Variants in CA10 observed in about 807,000 individuals in gnomAD.
CA10 encodes the protein carbonic anhydrase 10 (inactive).
In CA10, 14 loss-of-function variants were observed where a neutral mutation model predicts 44.2. The ratio of observed to expected loss-of-function variants is 0.32; its 90% CI spans 0.21 to 0.50. CA10 has a LOEUF of 0.50. Among genes scored for constraint, CA10 ranks in the 20% least tolerant of loss-of-function variants. The pLI is 0.99. For missense variants in CA10, 350 were observed against 409.7 expected, an observed-to-expected ratio of 0.85 and a Z score of 1.26; for synonymous variants, 159 against 141.6, an observed-to-expected ratio of 1.12 and a Z score of -0.87.
At chr17:51,718,192 C>A (rs938518058) in intron 4 of CA10, among the ~76,000 whole-genome samples, 11 of 150,216 alleles carry the variant, frequency 7.3e-5, no homozygotes, top group Non-Finnish European at 1.0e-4. Flanking sequence ...AACCAAATAC[C>A]ACCTGTACCC....
intron 1 of CA10, among the ~76,000 whole-genome samples, chr17:52,101,819 TAAAC>T (rs1282890308): frequency 1.3e-5 from 2 of 152,148 alleles, no homozygotes; most frequent in Non-Finnish European, 2.9e-5. Flanking sequence ...AAAATCAACT[TAAAC>T]ATATATAGCA....
intron 1 of CA10, among the ~76,000 whole-genome samples, chr17:52,081,228 T>C (rs1031419804): frequency 1.6e-4 from 24 of 152,220 alleles, no homozygotes; most frequent in Admixed American, 3.3e-4. Flanking sequence ...ACAGTGATGG[T>C]CTCTGAAATT....
Position 51,630,689 on chromosome 17 carries a change from CAAGTGAAATCAAAG to C in CA10, c.*881_*894del, listed in dbSNP as rs1597949140. 6.6e-6 allele frequency: 1 copy of C among 152,546 alleles called. No homozygotes were observed. The highest frequency in any genetic ancestry group is 1.9e-4 in the East Asian group (1 of 5,194). 9.4% of individuals were successfully genotyped at this position (152,546 alleles called of 1,614,324 possible). ...TGAACAAAACATGTAGATGAAGGAACAAGTGAAATCAAAGAATGCAGTTGCATGGAGCCAGGGCT... is the reference window on the plus strand; with the variant it reads ...TGAACAAAACATGTAGATGAAGGAACAATGCAGTTGCATGGAGCCAGGGCT... On this transcript the variant is annotated 3_prime_UTR_variant, in exon 9 of 9. Transcript: ENST00000451037.
At chr17:51,808,762 CAT>C (rs1353853396) in intron 3 of CA10, among the ~76,000 whole-genome samples, 3 of 152,152 alleles carry the variant, frequency 2.0e-5, no homozygotes, top group African/African-American at 2.4e-5. Flanking sequence ...CAAAATTACA[CAT>C]GTCTAAAAGT....
intron 3 of CA10, among the ~76,000 whole-genome samples, chr17:51,859,787 T>C (rs1451221884): frequency 6.6e-6 from 1 of 152,202 alleles, no homozygotes; most frequent in East Asian, 1.9e-4. Flanking sequence ...AAGAGCCACA[T>C]AGATGTTATT....
In CA10 at chr17:51,810,923, T is replaced by C. The variant is rs149056674; in HGVS notation, c.280-63105A>G. On this transcript the variant is annotated intron_variant, in intron 3 of 8. Coordinates refer to ENST00000451037, the MANE Select transcript of CA10 (RefSeq NM_020178.5). Reference sequence around the variant, plus strand: ...AACAAGATCACCCTATAATAATTTCTGAACACAGGTTGGGCACAGTGGCTT... The same window carrying C: ...AACAAGATCACCCTATAATAATTTCCGAACACAGGTTGGGCACAGTGGCTT... Among the ~76,000 whole-genome samples, 496 of 152,316 alleles carry C rather than the reference T, an allele frequency of 3.3e-3. 7 individuals are homozygous for C. Among genetic ancestry groups the C allele is most frequent in the Non-Finnish European group, 2.3e-3 (156 of 68,022 alleles).
At chr17:51,852,331 T>G (rs1978835167) in intron 3 of CA10, among the ~76,000 whole-genome samples, 1 of 152,044 alleles carries the variant, frequency 6.6e-6, no homozygotes. Context: ...TAATGATAAG[T>G]GGAGGTGATC....
At chr17:51,799,691 A>C (rs971795502) in intron 3 of CA10, among the ~76,000 whole-genome samples, 2 of 152,244 alleles carry the variant, frequency 1.3e-5, no homozygotes, top group African/African-American at 4.8e-5. Flanking sequence ...AGGCTCAATA[A>C]AAGTTTGTTG....
chr17:52,061,908 A>C (rs1208099495), intron 2 of CA10, among the ~76,000 whole-genome samples: 1 of 152,126 alleles, frequency 6.6e-6, no homozygotes, highest in Non-Finnish European at 1.5e-5. Flanking sequence ...CTATCACTTA[A>C]TTGGGATGTA....
intron 3 of CA10, among the ~76,000 whole-genome samples, chr17:51,811,963 G>A (rs975176072): frequency 3.3e-5 from 5 of 152,140 alleles, no homozygotes; most frequent in African/African-American, 9.6e-5. Context: ...TCTGAATCCT[G>A]TAAGTCCCTC....
At chr17:51,650,258 A>T (rs1158578452) in intron 5 of CA10, among the ~76,000 whole-genome samples, 1 of 152,134 alleles carries the variant, frequency 6.6e-6, no homozygotes, top group African/African-American at 2.4e-5. Context: ...ACCATTGTTC[A>T]TCCTAGTCAT....
intron 2 of CA10, among the ~76,000 whole-genome samples, chr17:52,028,398 A>G (rs1338287674): frequency 3.9e-5 from 6 of 152,176 alleles, no homozygotes; most frequent in Admixed American, 2.0e-4. Context: ...TCACAAAACT[A>G]TTCTAGTTTT....
At chr17:51,966,132 A>C (rs565281470) in intron 2 of CA10, among the ~76,000 whole-genome samples, 1 of 151,990 alleles carries the variant, frequency 6.6e-6, no homozygotes, top group African/African-American at 2.4e-5. Context: ...CATACAAAAA[A>C]CACCTAAAAA....
rs144240777 is a variant in CA10 at position 51,647,041 on chromosome 17, T to TGTAGA, written c.634+2136_634+2140dup. Among the ~76,000 whole-genome samples, 1,013 of 152,062 alleles carry TGTAGA rather than the reference T, an allele frequency of 6.7e-3. 7 individuals are homozygous for TGTAGA. The highest frequency in any genetic ancestry group is 0.023 in the African/African-American group (966 of 41,472). On this transcript the variant is annotated intron_variant, in intron 6 of 8. Coordinates refer to ENST00000451037, the MANE Select transcript of CA10 (RefSeq NM_020178.5). ...TTTCTTTTCCCTGGGCCCTGAGAGG[T>TGTAGA]GTAGAGTATGGGGGTCAGAAGGAGA...
At chr17:52,002,444 G>T (rs1985457243) in intron 2 of CA10, among the ~76,000 whole-genome samples, 1 of 151,830 alleles carries the variant, frequency 6.6e-6, no homozygotes, top group Admixed American at 6.6e-5. Flanking sequence ...GAAGTGACCA[G>T]CCTGGGGTCA....
chr17:51,912,364 T>A (rs554602544), intron 3 of CA10, among the ~76,000 whole-genome samples: 1 of 152,278 alleles, frequency 6.6e-6, no homozygotes, highest in East Asian at 1.9e-4. Context: ...CTCAAGGAGG[T>A]AAAGTAACTT....
intron 4 of CA10, among the ~76,000 whole-genome samples, chr17:51,654,166 G>A (rs1014385163): frequency 1.3e-5 from 2 of 152,210 alleles, no homozygotes; most frequent in African/African-American, 4.8e-5. Context: ...ACAGGGAGCT[G>A]TTAGGTCCTG....
At chr17:51,831,335 G>A (rs1908232740) in intron 3 of CA10, among the ~76,000 whole-genome samples, 1 of 152,190 alleles carries the variant, frequency 6.6e-6, no homozygotes, top group Non-Finnish European at 1.5e-5. Flanking sequence ...CACAGTGGAA[G>A]CTGTTTGCAG....
intron 3 of CA10, among the ~76,000 whole-genome samples, chr17:51,860,719 A>G (rs1374252925): frequency 2.0e-5 from 3 of 152,210 alleles, no homozygotes; most frequent in Admixed American, 1.3e-4. Context: ...CTGTGTATTA[A>G]TAGTTGCTCT....
Sources: allele counts gnomAD v4.1 joint callset (sites outside exome capture counted in the v4.1 genomes callset), GRCh38; gene constraint gnomAD v4.1.1; transcripts MANE v1.5; gene names NCBI Gene and HGNC (gene_info 2026-07-23, HGNC 2026-07-21).